MALRD1: variants seen among roughly 807,000 people sequenced by gnomAD.
The protein encoded by MALRD1 is MAM and LDL receptor class A domain containing 1.
MALRD1 carries 247 observed loss-of-function variants against 242.1 expected under a neutral mutation model. The observed-to-expected ratio is 1.02, with a 90% CI of 0.92 to 1.13. The LOEUF (loss-of-function observed/expected upper bound fraction) is 1.13, where lower values mean the gene tolerates loss of function less well. Among genes scored for constraint, MALRD1 ranks in the 50% most tolerant of loss-of-function variants. The pLI, the probability that MALRD1 is intolerant of heterozygous loss-of-function variation, is 0.00. For missense variants in MALRD1, 2,989 were observed against 2,533.1 expected (o/e 1.18, Z -3.86); for synonymous variants, 995 against 866.6 (o/e 1.15, Z -2.60).
chr10:19,291,390 C>G (rs1841415019), intron 21 of MALRD1: 1 of 152,138 alleles, frequency 6.6e-6, no homozygotes, highest in South Asian at 2.1e-4. Flanking sequence ...ATTAAAATCT[C>G]TGGGAATGAG....
At chr10:19,174,169 C>T (rs1588652661) in intron 13 of MALRD1, among the ~76,000 whole-genome samples, 1 of 152,058 alleles carries the variant, frequency 6.6e-6, no homozygotes, top group Non-Finnish European at 1.5e-5. Flanking sequence ...TCTTTATGGG[C>T]CTCTCTGTGT....
At chr10:19,715,712 A>G (rs1834351033) in intron 38 of MALRD1, among the ~76,000 whole-genome samples, 1 of 152,238 alleles carries the variant, frequency 6.6e-6, no homozygotes, top group Non-Finnish European at 1.5e-5. Flanking sequence ...CTGTACAAAC[A>G]GCATGATGTC....
At position 19,491,556 on chromosome 10, in the gene MALRD1, T is replaced by A; in HGVS notation, c.5069T>A (p.Phe1690Tyr). The A allele has an allele frequency of 6.5e-6, 10 of 1,550,266 alleles. No homozygotes were observed. The highest frequency in any genetic ancestry group is 8.7e-6 in the Non-Finnish European group (10 of 1,146,880). The change falls in exon 30 of 40, where the codon TTT becomes TAT. Residue 1690 changes from phenylalanine to tyrosine, a missense_variant. Transcript: ENST00000454679. Reference sequence around the variant, plus strand: ...GAGCTTTGTCCGGAAATCACTGATTTTTTGTGCCGGGACAAGAAGTGCATT... The same window carrying A: ...GAGCTTTGTCCGGAAATCACTGATTATTTGTGCCGGGACAAGAAGTGCATT... Reference protein sequence around the residue: ...ISELCPEITDFLCRDKKCIAS... With the variant: ...ISELCPEITDYLCRDKKCIAS...
intron 33 of MALRD1, among the ~76,000 whole-genome samples, chr10:19,581,848 T>C (rs1288422766): frequency 3.9e-5 from 6 of 151,980 alleles, no homozygotes; most frequent in East Asian, 1.9e-4. Flanking sequence ...AGTGTAAAAG[T>C]GTTCCTATTT....
chr10:19,206,408 G>A (rs1431874266), intron 17 of MALRD1, among the ~76,000 whole-genome samples: 1 of 152,098 alleles, frequency 6.6e-6, no homozygotes, highest in Admixed American at 6.6e-5. Context: ...CCTATGAAGT[G>A]TAACTTTTCC....
chr10:19,189,463 G>A (rs943089606), intron 14 of MALRD1, among the ~76,000 whole-genome samples: 3 of 152,012 alleles, frequency 2.0e-5, no homozygotes, highest in African/African-American at 7.2e-5. Flanking sequence ...CTTATTCAAT[G>A]AGGCCAGCAT....
intron 32 of MALRD1, among the ~76,000 whole-genome samples, chr10:19,539,983 T>C (rs1311820321): frequency 6.6e-6 from 1 of 151,688 alleles, no homozygotes; most frequent in African/African-American, 2.4e-5. Flanking sequence ...GCTCAAGTGA[T>C]CTGCCCACCT....
chr10:19,204,192 T>A (rs1459337887), intron 15 of MALRD1, 116 bp from the exon 16 acceptor site: 1 of 724,808 alleles, frequency 1.4e-6, no homozygotes, highest in Non-Finnish European at 2.3e-6. Context: ...GATTATTGTA[T>A]AATTTTAATT....
chr10:19,587,834 G>C (rs1837517445), intron 33 of MALRD1, among the ~76,000 whole-genome samples: 1 of 151,912 alleles, frequency 6.6e-6, no homozygotes. Flanking sequence ...AGTGGAGTAT[G>C]GTAATCAGAG....
In MALRD1 at chr10:19,499,972, T is replaced by C. The variant is rs148792813; in HGVS notation, c.5320+1326T>C. Among the ~76,000 whole-genome samples, 3 of 152,270 alleles carry C rather than the reference T, an allele frequency of 2.0e-5. No individual in the cohort carries two copies. The East Asian group carries it at 5.8e-4, about 29-fold the overall frequency. Reference sequence around the variant, plus strand: ...CTTAGGAATGAACCCTACTGGATTGTGGTGAATTAACTCTTTGATATGATG... The same window carrying C: ...CTTAGGAATGAACCCTACTGGATTGCGGTGAATTAACTCTTTGATATGATG... On this transcript the variant is annotated intron_variant, in intron 31 of 39. Transcript: ENST00000454679.
At chr10:19,673,849 A>T (rs973128995) in intron 36 of MALRD1, among the ~76,000 whole-genome samples, 4 of 151,760 alleles carry the variant, frequency 2.6e-5, no homozygotes, top group African/African-American at 9.7e-5. Context: ...ATATGTACAT[A>T]ATATTTAAGT....
intron 28 of MALRD1, among the ~76,000 whole-genome samples, chr10:19,446,128 C>T (rs915658183): frequency 2.6e-5 from 4 of 152,152 alleles, no homozygotes; most frequent in African/African-American, 9.7e-5. Context: ...TTGCTAAGAC[C>T]ATTGGAAAAG....
At position 19,262,384 on chromosome 10, in the gene MALRD1, G is replaced by T. The variant is rs35545516; in HGVS notation, c.3079+4613G>T. ...GTGGTAAGAGAACTTGGCCGGGCCC[G>T]GTGGCTCATGCATGTAATCCTAGCA... On this transcript the variant is annotated intron_variant, in intron 19 of 39. Transcript: ENST00000454679. Among the ~76,000 whole-genome samples the T allele has an allele frequency of 9.3e-3, 1,408 of 151,974 alleles. 11 individuals are homozygous for T. Among genetic ancestry groups the T allele is most frequent in the Non-Finnish European group, 0.016 (1,057 of 67,964 alleles).
chr10:19,221,796 A>G (rs757063891), intron 18 of MALRD1, among the ~76,000 whole-genome samples: 2 of 152,130 alleles, frequency 1.3e-5, no homozygotes, highest in Non-Finnish European at 2.9e-5. Context: ...GGAAATATAC[A>G]GGAAAATCCT....
intron 31 of MALRD1, among the ~76,000 whole-genome samples, chr10:19,510,249 A>T (rs1833334663): frequency 6.6e-6 from 1 of 152,176 alleles, no homozygotes; most frequent in Non-Finnish European, 1.5e-5. Flanking sequence ...GAGACATTCC[A>T]TTGCCAAGGG....
chr10:19,270,332 T>TCACACACACA (rs1198896770), intron 19 of MALRD1, among the ~76,000 whole-genome samples: 1 of 72,592 alleles, frequency 1.4e-5, no homozygotes, highest in Non-Finnish European at 2.8e-5. Flanking sequence ...TCTCTCTCTC[T>TCACACACACA]CTCTCACACA....
At chr10:19,621,130 A>G (rs1007197968) in intron 36 of MALRD1, among the ~76,000 whole-genome samples, 3 of 151,780 alleles carry the variant, frequency 2.0e-5, no homozygotes, top group African/African-American at 4.8e-5. Flanking sequence ...TTTCATTCAT[A>G]CAAGGCCTTT....
intron 22 of MALRD1, among the ~76,000 whole-genome samples, chr10:19,324,622 G>T (rs1296297049): frequency 1.4e-5 from 2 of 147,564 alleles, no homozygotes; most frequent in Non-Finnish European, 1.5e-5. Context: ...AAAAAAACGA[G>T]TTGTCCTGGT....
At chr10:19,232,005 G>C (rs937473565) in intron 18 of MALRD1, among the ~76,000 whole-genome samples, 1 of 152,008 alleles carries the variant, frequency 6.6e-6, no homozygotes, top group Admixed American at 6.6e-5. Flanking sequence ...GGAGAATTCT[G>C]CTCTTTTATA....
Sources: allele counts gnomAD v4.1 joint callset (sites outside exome capture counted in the v4.1 genomes callset), GRCh38; gene constraint gnomAD v4.1.1; transcripts MANE v1.5; gene names NCBI Gene and HGNC (gene_info 2026-07-23, HGNC 2026-07-21).